Variants in MYO5B observed in about 807,000 individuals in gnomAD.
MYO5B encodes unconventional myosin-Vb.
A neutral mutation model predicts 229.3 loss-of-function variants in MYO5B; 143 were observed. The ratio of observed to expected loss-of-function variants is 0.62; its 90% CI spans 0.54 to 0.72. The LOEUF (loss-of-function observed/expected upper bound fraction) is 0.72, where lower values mean the gene tolerates loss of function less well. MYO5B is among the 30% of genes least tolerant of loss of function. The pLI is 0.00. For missense variants in MYO5B, 2,321 were observed against 2,331.0 expected (o/e 1.00, Z 0.09); for synonymous variants, 918 against 885.2 (o/e 1.04, Z -0.66).
chr18:49,974,275 C>A (rs1278740487), intron 10 of MYO5B, 75 bp downstream of exon 10: 3 of 1,599,448 alleles, frequency 1.9e-6, no homozygotes, highest in Non-Finnish European at 1.7e-6. Context: ...CTCTCCAATG[C>A]CCCTGCTGGC....
intron 22 of MYO5B, among the ~76,000 whole-genome samples, chr18:49,892,349 C>A (rs895030735): frequency 6.6e-6 from 1 of 152,178 alleles, no homozygotes; most frequent in South Asian, 2.1e-4. Context: ...TGAATTCCTG[C>A]CCTCGGGGAG....
chr18:49,874,988 C>T (rs1249588167), intron 26 of MYO5B, among the ~76,000 whole-genome samples: 1 of 152,196 alleles, frequency 6.6e-6, no homozygotes, highest in Admixed American at 6.5e-5. Context: ...CCAGACGTAA[C>T]ATCTAAATTC....
chr18:50,103,358 G>A (rs2031691498), intron 1 of MYO5B, among the ~76,000 whole-genome samples: 1 of 152,204 alleles, frequency 6.6e-6, no homozygotes, highest in South Asian at 2.1e-4. Context: ...ACCCTCCCTG[G>A]AAGTTAGAAT....
rs143310542 is a variant in MYO5B, at chr18:50,018,932, A to C, written c.456-17521T>G. On this transcript the variant is annotated intron_variant, in intron 4 of 39. Coordinates refer to ENST00000285039, the MANE Select transcript of MYO5B (RefSeq NM_001080467.3). ...AATATCCCAAGCTAACTAAAGAGGT[A>C]GCACTTTTCTCTTACCAGCTGGGAT... Among the ~76,000 whole-genome samples the C allele has an allele frequency of 1.6e-4, 25 of 152,372 alleles. No homozygotes were observed. In the East Asian group the frequency reaches 3.9e-3, roughly 23 times the overall value.
chr18:49,843,056 G>A (rs927522807), intron 34 of MYO5B, among the ~76,000 whole-genome samples, 185 bp downstream of exon 34: 11 of 152,246 alleles, frequency 7.2e-5, no homozygotes, highest in African/African-American at 2.7e-4. Context: ...TGCTGGGCCT[G>A]AGCATCCTTC....
chr18:49,872,495 G>A (rs911540393), intron 26 of MYO5B, among the ~76,000 whole-genome samples: 3 of 151,326 alleles, frequency 2.0e-5, no homozygotes, highest in African/African-American at 7.3e-5. Context: ...GGTTGAATAT[G>A]TATAGCACTG....
intron 1 of MYO5B, among the ~76,000 whole-genome samples, chr18:50,122,215 C>T (rs941999391): frequency 3.9e-5 from 6 of 152,058 alleles, no homozygotes; most frequent in African/African-American, 1.4e-4. Context: ...ACACCCTTCT[C>T]CTAATCACAC....
intron 1 of MYO5B, among the ~76,000 whole-genome samples, chr18:50,146,419 C>T (rs926055839): frequency 2.6e-5 from 4 of 152,210 alleles, no homozygotes; most frequent in African/African-American, 7.2e-5. Context: ...CCTGACTGCC[C>T]GCTGGAGTGC....
chr18:50,149,791 T>G (rs1038977295), intron 1 of MYO5B, among the ~76,000 whole-genome samples: 1 of 152,104 alleles, frequency 6.6e-6, no homozygotes, highest in Non-Finnish European at 1.5e-5. Flanking sequence ...ACTTCATGTC[T>G]AAAACACCAA....
At chr18:50,115,342 T>C (rs1462005901) in intron 1 of MYO5B, among the ~76,000 whole-genome samples, 1 of 152,222 alleles carries the variant, frequency 6.6e-6, no homozygotes. Flanking sequence ...AAAGTGTCTA[T>C]GGAATTCAAT....
In MYO5B at chr18:49,824,012, A is replaced by C. The variant is rs1310338966; in HGVS notation, c.*2459T>G. 1.3e-5 allele frequency: 2 copies of C among 152,676 alleles called. No homozygotes were observed. Among genetic ancestry groups the C allele is most frequent in the Non-Finnish European group, 2.9e-5 (2 of 68,046 alleles). 9.5% of individuals were successfully genotyped at this position (152,676 alleles called of 1,614,324 possible). The stretch of plus-strand genomic sequence containing the variant: ...TGTCAGTTATCTTAGTAACCGCTAA[A>C]GGCACCTGGTGAAAAAAATGTCAAC... On this transcript the variant is annotated 3_prime_UTR_variant, in exon 40 of 40. Transcript: ENST00000285039.
chr18:50,077,502 A>AAACACACACACACAC (rs2031114571), intron 1 of MYO5B, among the ~76,000 whole-genome samples: 1 of 133,518 alleles, frequency 7.5e-6, no homozygotes, highest in African/African-American at 2.7e-5. Context: ...CACACACACA[A>AAACACACACACACAC]ACACACACAC....
chr18:49,875,849 G>GA, intron 25 of MYO5B, 22 bp from the exon 26 acceptor site: 1 of 1,613,748 alleles, frequency 6.2e-7, no homozygotes. Flanking sequence ...GACAGGCACA[G>GA]AAAAAAGGTT....
chr18:50,110,044 C>G (rs1349183128), intron 1 of MYO5B, among the ~76,000 whole-genome samples: 3 of 152,118 alleles, frequency 2.0e-5, no homozygotes, highest in Admixed American at 6.5e-5. Context: ...TCACTCAGCT[C>G]CAGCCATAGA....
intron 7 of MYO5B, among the ~76,000 whole-genome samples, chr18:49,985,452 A>G (rs2025860730): frequency 6.6e-6 from 1 of 152,216 alleles, no homozygotes; most frequent in Admixed American, 6.5e-5. Flanking sequence ...CTTAAAATTC[A>G]GAGCCAAGCT....
chr18:50,120,589 G>A (rs1215343506), intron 1 of MYO5B, among the ~76,000 whole-genome samples: 1 of 152,184 alleles, frequency 6.6e-6, no homozygotes, highest in East Asian at 1.9e-4. Flanking sequence ...AGAATGCCCT[G>A]GACAGGAGCC....
At chr18:50,044,704 C>A (rs2030171321) in intron 2 of MYO5B, among the ~76,000 whole-genome samples, 1 of 152,148 alleles carries the variant, frequency 6.6e-6, no homozygotes, top group African/African-American at 2.4e-5. Context: ...TCAACTGAAA[C>A]CTCAGTTTCT....
At chr18:50,069,431 A>G (rs2144444393) in intron 1 of MYO5B, among the ~76,000 whole-genome samples, 1 of 152,208 alleles carries the variant, frequency 6.6e-6, no homozygotes, top group East Asian at 1.9e-4. Flanking sequence ...CCAAGTCCCA[A>G]CATCCCATCC....
At position 50,001,236 on chromosome 18, in the gene MYO5B, G is replaced by A. The variant is rs975249397; in HGVS notation, c.612+19C>T. 6.2e-7 allele frequency: 1 copy of A among 1,614,070 alleles called. No homozygotes were observed. Among genetic ancestry groups the A allele is most frequent in the Non-Finnish European group, 8.5e-7 (1 of 1,179,972 alleles). On this transcript the variant is annotated intron_variant, in intron 5 of 39. Transcript: ENST00000285039. Reference sequence around the variant, plus strand: ...GAGGAGCTCCAGCCAGGAAGGCCAGGACACCTAGAAGGCTTTACCTCCATG... The same window carrying A: ...GAGGAGCTCCAGCCAGGAAGGCCAGAACACCTAGAAGGCTTTACCTCCATG...
Sources: gnomAD v4.1 joint callset for allele counts (sites outside exome capture counted in the v4.1 genomes callset) on GRCh38, gnomAD v4.1.1 for gene constraint, MANE v1.5 for transcripts, NCBI Gene and HGNC (gene_info 2026-07-23, HGNC 2026-07-21) for gene names.